DTWD2: variants seen among roughly 807,000 people sequenced by gnomAD.
DTWD2 encodes tRNA-uridine aminocarboxypropyltransferase 2.
A neutral mutation model predicts 31.8 loss-of-function variants in DTWD2; 39 were observed. The ratio of observed to expected loss-of-function variants is 1.22; its 90% CI spans 0.95 to 1.60. The LOEUF (loss-of-function observed/expected upper bound fraction) is 1.60. DTWD2 is among the 40% of genes most tolerant of loss of function. The probability of loss-of-function intolerance (pLI) is 0.00; values close to 1 mark genes in which losing one functional copy is unlikely to be tolerated. For missense variants in DTWD2, 515 were observed against 381.5 expected (o/e 1.35, Z -2.92); for synonymous variants, 180 against 142.8 (o/e 1.26, Z -1.86).
intron 4 of DTWD2, among the ~76,000 whole-genome samples, chr5:118,921,380 T>C (rs1753699766): frequency 6.6e-6 from 1 of 151,738 alleles, no homozygotes; most frequent in South Asian, 2.1e-4. Flanking sequence ...TCAGGTGTGG[T>C]GGTACACACC....
chr5:118,884,119 T>C, intron 4 of DTWD2, among the ~76,000 whole-genome samples: 1 of 152,218 alleles, frequency 6.6e-6, no homozygotes, highest in Non-Finnish European at 1.5e-5. Context: ...TTTAATCAAA[T>C]CTAGAATGTT....
Position 118,850,544 on chromosome 5 carries a change from G to C in DTWD2, c.598-2326C>G, listed in dbSNP as rs191849905. On this transcript the variant is annotated intron_variant, in intron 4 of 5. Coordinates refer to ENST00000510708, the MANE Select transcript of DTWD2 (RefSeq NM_173666.4). ...AGATGGATTAAAGATTAAAATGTAA[G>C]GCCAAGGACTATAGAAATCCTGGAA... Among the ~76,000 whole-genome samples, 119 of 138,840 alleles carry C rather than the reference G, an allele frequency of 8.6e-4. 1 individual carries two copies. Among genetic ancestry groups the C allele is most frequent in the African/African-American group, 3.1e-3 (119 of 37,816 alleles). The allele number at this position is 138,840 out of a possible 152,430, so 91.1% of individuals were successfully genotyped here.
chr5:118,974,871 T>A (rs530089065), intron 1 of DTWD2, among the ~76,000 whole-genome samples: 40 of 152,346 alleles, frequency 2.6e-4, no homozygotes, highest in African/African-American at 8.7e-4. Context: ...TTCTGGCTTG[T>A]AGAGTTTCTG....
intron 4 of DTWD2, among the ~76,000 whole-genome samples, chr5:118,864,673 A>G (rs1472317768): frequency 1.3e-5 from 2 of 150,128 alleles, no homozygotes; most frequent in Non-Finnish European, 3.0e-5. Context: ...TTATTATTAT[A>G]CCTTAAGTGT....
chr5:118,843,801 T>C lies in DTWD2; in HGVS notation c.727-2714A>G, dbSNP rs1465851053. ...GGATTAGATCCCTACTCCATCTCTG[T>C]TGGTACTCCCTACAGCTGTTCACAA... On this transcript the variant is annotated intron_variant, in intron 5 of 5. Transcript: ENST00000510708. Among the ~76,000 whole-genome samples, 4 of 152,230 alleles carry C rather than the reference T, an allele frequency of 2.6e-5. No homozygotes were observed. In the South Asian group the frequency reaches 8.3e-4, roughly 32 times the overall value.
chr5:118,954,878 A>G (rs1294529563), intron 1 of DTWD2, among the ~76,000 whole-genome samples: 5 of 152,056 alleles, frequency 3.3e-5, no homozygotes, highest in South Asian at 2.1e-4. Flanking sequence ...TTCTCCTCCT[A>G]TACAATTTTC....
At position 118,969,450 on chromosome 5, in the gene DTWD2, CT is replaced by C. The variant is rs563791147; in HGVS notation, c.218+18843del. Among the ~76,000 whole-genome samples, 254 of 152,306 alleles carry C rather than the reference CT, an allele frequency of 1.7e-3. 3 individuals are homozygous for C. In the South Asian group the frequency reaches 0.051, roughly 30 times the overall value. On this transcript the variant is annotated intron_variant, in intron 1 of 5. Transcript: ENST00000510708. ...AGGCCAACATCTGTTCAGTGTGCCC[CT>C]GGGACAAAGCTCCGAGAAGAAAGAG...
intron 1 of DTWD2, among the ~76,000 whole-genome samples, chr5:118,952,518 A>G (rs1432158985): frequency 6.6e-6 from 1 of 152,138 alleles, no homozygotes; most frequent in Non-Finnish European, 1.5e-5. Context: ...CTGAGCCGGG[A>G]GAAGGAATTT....
At chr5:118,931,398 T>TAAA (rs535859715) in intron 3 of DTWD2, among the ~76,000 whole-genome samples, 1,656 of 109,682 alleles carry the variant, frequency 0.015, 50 homozygotes, top group African/African-American at 0.055. Context: ...GACCTTGTCT[T>TAAA]AAAAAAAAAA....
At chr5:118,963,538 T>C (rs777116449) in intron 1 of DTWD2, among the ~76,000 whole-genome samples, 35 of 152,152 alleles carry the variant, frequency 2.3e-4, no homozygotes, top group Admixed American at 4.6e-4. Flanking sequence ...ACCTAAAATA[T>C]AAGCATTGAA....
intron 1 of DTWD2, among the ~76,000 whole-genome samples, chr5:118,971,575 A>G (rs942905993): frequency 2.6e-5 from 4 of 152,194 alleles, no homozygotes; most frequent in Admixed American, 6.5e-5. Context: ...CAGATGATCA[A>G]GACAGAAAAT....
At chr5:118,945,597 T>C (rs1754314246) in intron 1 of DTWD2, among the ~76,000 whole-genome samples, 1 of 151,728 alleles carries the variant, frequency 6.6e-6, no homozygotes, top group East Asian at 1.9e-4. Flanking sequence ...AAACCCCAAC[T>C]CTAATAAAAA....
intron 4 of DTWD2, among the ~76,000 whole-genome samples, chr5:118,927,027 G>C (rs1331705959): frequency 6.6e-6 from 1 of 152,180 alleles, no homozygotes; most frequent in Admixed American, 6.5e-5. Context: ...CTTGCAAATG[G>C]AAGTCTTCTT....
chr5:118,952,498 G>C (rs565658354), intron 1 of DTWD2, among the ~76,000 whole-genome samples: 5 of 152,114 alleles, frequency 3.3e-5, no homozygotes, highest in Non-Finnish European at 7.4e-5. Context: ...GGTGCTCAGT[G>C]GGGGAGCGTC....
At chr5:118,923,573 G>A (rs1029179535) in intron 4 of DTWD2, among the ~76,000 whole-genome samples, 2 of 152,134 alleles carry the variant, frequency 1.3e-5, no homozygotes, top group Non-Finnish European at 1.5e-5. Flanking sequence ...GGAAAGAGGC[G>A]AACCTATAAA....
chr5:118,987,286 C>G (rs1048696752), intron 1 of DTWD2, among the ~76,000 whole-genome samples: 1 of 152,154 alleles, frequency 6.6e-6, no homozygotes, highest in African/African-American at 2.4e-5. Flanking sequence ...GTTTACTGAG[C>G]GTCAACTATA....
intron 4 of DTWD2, among the ~76,000 whole-genome samples, chr5:118,904,209 A>C (rs894133999): frequency 1.3e-5 from 2 of 152,104 alleles, no homozygotes; most frequent in Non-Finnish European, 1.5e-5. Context: ...TTAAGATATA[A>C]AATATACACA....
intron 4 of DTWD2, among the ~76,000 whole-genome samples, chr5:118,908,101 T>C (rs115540494): frequency 0.015 from 2,213 of 152,300 alleles, 54 homozygotes; most frequent in African/African-American, 0.051. Flanking sequence ...TTATTAAAAA[T>C]GAGCTCAGGA....
chr5:118,961,779 A>G (rs1462819275), intron 1 of DTWD2, among the ~76,000 whole-genome samples: 3 of 152,162 alleles, frequency 2.0e-5, no homozygotes, highest in Admixed American at 2.0e-4. Flanking sequence ...TGGGGGGGGC[A>G]TACTTCCTCA....
Sources: allele counts gnomAD v4.1 joint callset (sites outside exome capture counted in the v4.1 genomes callset), GRCh38; gene constraint gnomAD v4.1.1; transcripts MANE v1.5; gene names NCBI Gene and HGNC (gene_info 2026-07-23, HGNC 2026-07-21).